The following NCAPD2 variants were observed in gnomAD, a reference collection of about 807,000 sequenced individuals.
NCAPD2 encodes the protein non-SMC condensin I complex subunit D2, also known as condensin complex subunit 1.
In NCAPD2, 100 loss-of-function variants were observed where a neutral mutation model predicts 164.5. The ratio of observed to expected loss-of-function variants is 0.61; its 90% CI spans 0.52 to 0.72. The LOEUF (loss-of-function observed/expected upper bound fraction) is 0.72, where lower values mean the gene tolerates loss of function less well. NCAPD2 is among the 30% of genes least tolerant of loss of function. The pLI is 0.00. For missense variants in NCAPD2, 1,560 were observed against 1,749.2 expected (o/e 0.89, Z 1.93); for synonymous variants, 585 against 642.6 (o/e 0.91, Z 1.36).
intron 9 of NCAPD2, 77 bp from the exon 10 acceptor site, chr12:6,516,751 T>C: frequency 7.1e-7 from 1 of 1,405,694 alleles, no homozygotes; most frequent in Non-Finnish European, 1.0e-6. Context: ...AGGCAGTTAA[T>C]GGAAAAAGTT....
intron 27 of NCAPD2, 111 bp from the exon 28 acceptor site, chr12:6,529,402 T>G (rs1465387633): frequency 1.2e-5 from 12 of 986,104 alleles, no homozygotes; most frequent in Non-Finnish European, 1.9e-5. Context: ...ACAGGGGCCG[T>G]GGCAGAGAAC....
Position 6,531,235 on chromosome 12 carries a change from C to G in NCAPD2, c.4121-92C>G. 6.8e-7 allele frequency: 1 copy of G among 1,478,756 alleles called. No individual in the cohort carries two copies. Among genetic ancestry groups the G allele is most frequent in the Non-Finnish European group, 9.3e-7 (1 of 1,073,598 alleles). 91.6% of individuals were successfully genotyped at this position (1,478,756 alleles called of 1,614,324 possible). On this transcript the variant is annotated intron_variant, in intron 31 of 31. Transcript: ENST00000315579. This position sits in a 1 kb window ranked among gnomAD's most constrained non-coding sequence, Gnocchi z 4.1. The stretch of plus-strand genomic sequence containing the variant: ...CAGCTTGGATTTTATTTCTTCTGTG[C>G]GGTGTGGGATTGTCTCACTTGTTCT...
chr12:6,528,030 T>C lies in NCAPD2; in HGVS notation c.3082T>C (p.Tyr1028His). The C allele has an allele frequency of 1.9e-6, 3 of 1,614,228 alleles. No individual in the cohort carries two copies. The highest frequency in any genetic ancestry group is 2.5e-6 in the Non-Finnish European group (3 of 1,180,034). The change falls in exon 24 of 32, where the codon TAT becomes CAT. Residue 1028 changes from tyrosine (Y) to histidine (H), a missense_variant. Tyr to His is a moderately conservative substitution (Grantham distance 83, BLOSUM62 2). Coordinates refer to ENST00000315579, the MANE Select transcript of NCAPD2 (RefSeq NM_014865.4). This position sits in a 1 kb window ranked among gnomAD's most constrained non-coding sequence, Gnocchi z 5.1. ...LLKVCNNPGLYSNPDLSAAAS... is the reference protein window; with the variant it reads ...LLKVCNNPGLHSNPDLSAAAS... ...TAAAGTCTGTAACAACCCAGGCCTC[T>C]ATAGCAACCCAGACCTCTCTGCAGC...
At chr12:6,508,250 C>G (rs1025321560) in intron 2 of NCAPD2, among the ~76,000 whole-genome samples, 1 of 152,004 alleles carries the variant, frequency 6.6e-6, no homozygotes, top group Admixed American at 6.6e-5. Context: ...GCAGTAGGAT[C>G]GCCTGAGCCC....
intron 2 of NCAPD2, among the ~76,000 whole-genome samples, chr12:6,504,186 T>TATATATATATATATATATATATAC (rs1946069167): frequency 1.1e-4 from 3 of 26,880 alleles, no homozygotes. Flanking sequence ...TATATACATA[T>TATATATATATATATATATATATAC]ATATATATAT....
intron 2 of NCAPD2, among the ~76,000 whole-genome samples, chr12:6,498,896 G>T (rs1053601827): frequency 6.6e-6 from 1 of 152,058 alleles, no homozygotes; most frequent in African/African-American, 2.4e-5. Context: ...GAGCCACTGC[G>T]CCTGGCCTGT....
chr12:6,506,866 C>T (rs896350847), intron 2 of NCAPD2, among the ~76,000 whole-genome samples: 1 of 152,050 alleles, frequency 6.6e-6, no homozygotes, highest in African/African-American at 2.4e-5. Context: ...AGAAAAAATT[C>T]CAGTATATTT....
chr12:6,495,314 C>T (rs1945968712), intron 2 of NCAPD2, 89 bp downstream of exon 2: 4 of 1,489,858 alleles, frequency 2.7e-6, no homozygotes, highest in African/African-American at 1.4e-5. Context: ...TTCCACTACA[C>T]CAGGAAGCAT....
Position 6,495,104 on chromosome 12 carries a change from T to C in NCAPD2, c.6T>C (p.Ala2=). Reference sequence around the variant, plus strand: ...TGTGAGCCTGTAGGAGTAGAATGGCTCCCCAAATGTATGAGTTCCATCTGC... The same window carrying C: ...TGTGAGCCTGTAGGAGTAGAATGGCCCCCCAAATGTATGAGTTCCATCTGC... The part of the protein sequence containing the change: M[A]PQMYEFHLPL... Residue 2 remains alanine (A), a synonymous_variant, in exon 2 of 32, where the codon GCT becomes GCC. Coordinates refer to ENST00000315579, the MANE Select transcript of NCAPD2 (RefSeq NM_014865.4). 6.2e-7 allele frequency: 1 copy of C among 1,614,086 alleles called. No individual in the cohort carries two copies. Among genetic ancestry groups the C allele is most frequent in the Non-Finnish European group, 8.5e-7 (1 of 1,179,986 alleles).
Position 6,525,788 on chromosome 12 carries a change from A to G in NCAPD2, c.2348+72A>G, listed in dbSNP as rs71579348. The G allele has an allele frequency of 6.4e-3, 10,046 of 1,569,562 alleles. 70 individuals carry two copies. The highest frequency in any genetic ancestry group is 6.6e-3 in the Non-Finnish European group (7,647 of 1,151,756). On this transcript the variant is annotated intron_variant, in intron 18 of 31. Transcript: ENST00000315579. The stretch of plus-strand genomic sequence containing the variant: ...GTTCTGAGAGGGCTCCTTTTCCTTC[A>G]GTGACATTGTCACAGTGAGGCCCAA...
intron 2 of NCAPD2, among the ~76,000 whole-genome samples, chr12:6,499,427 G>A (rs566547661): frequency 1.4e-4 from 21 of 151,970 alleles, no homozygotes; most frequent in Non-Finnish European, 2.6e-4. Flanking sequence ...TTGCTCTGTC[G>A]CCCAGGTTGG....
chr12:6,502,002 T>G (rs560877619), intron 2 of NCAPD2, among the ~76,000 whole-genome samples: 25 of 152,214 alleles, frequency 1.6e-4, no homozygotes, highest in African/African-American at 4.8e-4. Context: ...AGATTAGAGA[T>G]GATGAATTTA....
At chr12:6,503,186 C>A (rs2137038800) in intron 2 of NCAPD2, among the ~76,000 whole-genome samples, 1 of 151,964 alleles carries the variant, frequency 6.6e-6, no homozygotes, top group East Asian at 1.9e-4. Flanking sequence ...TACTGTAATG[C>A]TAAATTTTAA....
In NCAPD2 at chr12:6,511,102, C is replaced by A; in HGVS notation, c.445-8C>A. ...TTTTTTCCTCAATGTATACATGATC[C>A]TTTTTAGGGTAAGAAAGCTCGGACC... On this transcript the variant is annotated splice_region_variant and splice_polypyrimidine_tract_variant and intron_variant, in intron 5 of 31. Coordinates refer to ENST00000315579, the MANE Select transcript of NCAPD2 (RefSeq NM_014865.4). The A allele has an allele frequency of 1.2e-6, 2 of 1,613,058 alleles. No individual in the cohort carries two copies. The highest frequency in any genetic ancestry group is 1.7e-6 in the Non-Finnish European group (2 of 1,179,698).
rs149422163 is a variant in NCAPD2, at chr12:6,530,994, C to A, written c.4038C>A (p.Thr1346=). 5.0e-5 allele frequency: 80 copies of A among 1,614,086 alleles called. No individual in the cohort carries two copies. In the African/African-American group the frequency reaches 9.5e-4, roughly 19 times the overall value. ...TCACACCAGAGCCCCGCCGTACTAC[C>A]CGTCGGCATCCAAACACCCAGCAGC... The part of the protein sequence containing the change: ...DFVTPEPRRT[T]RRHPNTQQRA... Residue 1346 remains threonine, a synonymous_variant, in exon 31 of 32, where the codon ACC becomes ACA. Transcript: ENST00000315579.
intron 6 of NCAPD2, among the ~76,000 whole-genome samples, chr12:6,512,322 AACAG>A (rs1249123035): frequency 3.5e-5 from 5 of 141,150 alleles, no homozygotes; most frequent in African/African-American, 5.8e-5. Flanking sequence ...CAGACAGACA[AACAG>A]ACAGACAAGC....
chr12:6,506,866 C>G (rs896350847), intron 2 of NCAPD2, among the ~76,000 whole-genome samples: 1 of 152,050 alleles, frequency 6.6e-6, no homozygotes, highest in Non-Finnish European at 1.5e-5. Context: ...AGAAAAAATT[C>G]CAGTATATTT....
At chr12:6,513,329 C>T (rs1431122289) in intron 6 of NCAPD2, among the ~76,000 whole-genome samples, 1 of 151,980 alleles carries the variant, frequency 6.6e-6, no homozygotes, top group Non-Finnish European at 1.5e-5. Context: ...TCACTTGAGC[C>T]CAGGAGTTTG....
In NCAPD2 at chr12:6,523,323, AC is replaced by A; in HGVS notation, c.2193del (p.Ile732PhefsTer17). ...SLLLVDASVGTIQCLEEILCE... is the reference protein window; with the variant it reads ...SLLLVDASVGXIQCLEEILCE... ...GCTGCTAGTGGATGCCTCGGTTGGG[AC>A]CATTCAGTGTCTTGAGGAAATTGTA... is the stretch of plus-strand genomic sequence containing the variant. On this transcript the variant is annotated frameshift_variant, in exon 17 of 32. Transcript: ENST00000315579. LOFTEE classifies it high-confidence loss of function. 2.5e-6 allele frequency: 4 copies of A among 1,613,190 alleles called. No individual in the cohort carries two copies. The highest frequency in any genetic ancestry group is 3.4e-6 in the Non-Finnish European group (4 of 1,179,816).
Sources: gnomAD v4.1 joint callset for allele counts (sites outside exome capture counted in the v4.1 genomes callset) on GRCh38, gnomAD v4.1.1 for gene constraint, Gnocchi (gnomAD v3.1) non-coding constraint, MANE v1.5 for transcripts, NCBI Gene and HGNC (gene_info 2026-07-23, HGNC 2026-07-21) for gene names.